The following ARL3 variants were observed in gnomAD, a reference collection of about 807,000 sequenced individuals.
ARL3 encodes the protein ADP-ribosylation factor-like protein 3.
In ARL3, 9 loss-of-function variants were observed where a neutral mutation model predicts 26.0. That is an observed-to-expected ratio of 0.35 (90% CI 0.21 to 0.60). The LOEUF (loss-of-function observed/expected upper bound fraction) is 0.60. Among genes scored for constraint, ARL3 ranks in the 20% least tolerant of loss-of-function variants. The probability of loss-of-function intolerance (pLI) is 0.78; values close to 1 mark genes in which losing one functional copy is unlikely to be tolerated. For missense variants in ARL3, 158 were observed against 215.7 expected, an observed-to-expected ratio of 0.73 and a Z score of 1.67; for synonymous variants, 71 against 78.4, an observed-to-expected ratio of 0.91 and a Z score of 0.50.
chr10:102,700,564 G>A (rs1369658213), intron 2 of ARL3, among the ~76,000 whole-genome samples: 3 of 150,898 alleles, frequency 2.0e-5, no homozygotes, highest in South Asian at 2.1e-4. Context: ...TCCCAAGTTC[G>A]AGTGATTCTC....
At chr10:102,698,700 G>A (rs1043910211) in intron 3 of ARL3, among the ~76,000 whole-genome samples, 2 of 152,168 alleles carry the variant, frequency 1.3e-5, no homozygotes, top group African/African-American at 4.8e-5. Context: ...AAGTGACAGC[G>A]AGCTGGGAGC....
At chr10:102,694,982 G>A (rs1261727634) in intron 3 of ARL3, among the ~76,000 whole-genome samples, 3 of 152,214 alleles carry the variant, frequency 2.0e-5, no homozygotes, top group Admixed American at 2.0e-4. Context: ...GCCTCCCAAA[G>A]TGTTGGGAGT....
chr10:102,705,544 A>G, intron 1 of ARL3, 55 bp from the exon 2 acceptor site: 5 of 1,446,332 alleles, frequency 3.5e-6, no homozygotes, highest in Non-Finnish European at 3.7e-6. Context: ...TGTGATATTA[A>G]CTGGATATGA....
At chr10:102,694,862 G>A (rs899048477) in intron 3 of ARL3, among the ~76,000 whole-genome samples, 10 of 152,116 alleles carry the variant, frequency 6.6e-5, no homozygotes, top group Non-Finnish European at 1.2e-4. Context: ...GGGATTACAG[G>A]TGCCTGCCAC....
rs1472236799 is a variant in ARL3 at position 102,700,561 on chromosome 10, T to G, written c.148-1072A>C. 4.0e-5 allele frequency among the ~76,000 whole-genome samples: 6 copies of G among 151,622 alleles called. No individual in the cohort carries two copies. In the East Asian group the frequency reaches 1.2e-3, roughly 30 times the overall value. On this transcript the variant is annotated intron_variant, in intron 2 of 5. Coordinates refer to ENST00000260746, the MANE Select transcript of ARL3 (RefSeq NM_004311.4). ...CTCACTGCAACCTCCGCCTCCCAAGTTCGAGTGATTCTCCTGCCTCAGCCT... is the reference window on the plus strand; with the variant it reads ...CTCACTGCAACCTCCGCCTCCCAAGGTCGAGTGATTCTCCTGCCTCAGCCT...
intron 3 of ARL3, 96 bp downstream of exon 3, chr10:102,699,277 T>C (rs2064265423): frequency 6.2e-6 from 5 of 808,226 alleles, no homozygotes; most frequent in African/African-American, 1.7e-5. Flanking sequence ...AATGTTATGG[T>C]GGTGGAATTA....
At chr10:102,694,301 T>C (rs950536865) in intron 3 of ARL3, among the ~76,000 whole-genome samples, 1 of 152,226 alleles carries the variant, frequency 6.6e-6, no homozygotes, top group African/African-American at 2.4e-5. Context: ...TTCCAGAAGT[T>C]TTAAATTCAT....
intron 4 of ARL3, among the ~76,000 whole-genome samples, chr10:102,686,389 C>T (rs2064185750): frequency 1.1e-3 from 1 of 948 alleles, no homozygotes; most frequent in Non-Finnish European, 5.1e-3. Flanking sequence ...CAGTTCTAAT[C>T]AGAAAAAAAA....
chr10:102,691,679 T>C (rs2064218413), intron 3 of ARL3, among the ~76,000 whole-genome samples: 1 of 152,202 alleles, frequency 6.6e-6, no homozygotes, highest in South Asian at 2.1e-4. Flanking sequence ...CGACCTGCTC[T>C]ATAAAGCAAG....
At position 102,686,522 on chromosome 10, in the gene ARL3, G is replaced by A. The variant is rs2064186931; in HGVS notation, c.316-521C>T. 4.7e-5 allele frequency among the ~76,000 whole-genome samples: 7 copies of A among 147,482 alleles called. No individual in the cohort carries two copies. The South Asian group carries it at 1.5e-3, about 31-fold the overall frequency. On this transcript the variant is annotated intron_variant, in intron 4 of 5. Coordinates refer to ENST00000260746, the MANE Select transcript of ARL3 (RefSeq NM_004311.4). ...TCTGTCGCCCAGGCTGGAGTGCAGT[G>A]GCGCAATCCCGGCTCACTGCAACCT...
At chr10:102,703,233 T>C (rs1406906386) in intron 2 of ARL3, among the ~76,000 whole-genome samples, 6 of 148,200 alleles carry the variant, frequency 4.0e-5, no homozygotes, top group Non-Finnish European at 5.9e-5. Flanking sequence ...GCCATTCTCC[T>C]GCCTCAGTCT....
chr10:102,689,951 G>A lies in ARL3; in HGVS notation c.265-8C>T, dbSNP rs2064208152. The A allele has an allele frequency of 6.4e-7, 1 of 1,574,694 alleles. No homozygotes were observed. Among genetic ancestry groups the A allele is most frequent in the African/African-American group, 1.4e-5 (1 of 73,478 alleles). On this transcript the variant is annotated splice_polypyrimidine_tract_variant and splice_region_variant and intron_variant, in intron 3 of 5. Coordinates refer to ENST00000260746, the MANE Select transcript of ARL3 (RefSeq NM_004311.4). Reference sequence around the variant, plus strand: ...ACTGTCGATTACATATATCTATAAAGGAAAAGAAGAAGGTTATTTCAGTGA... The same window carrying A: ...ACTGTCGATTACATATATCTATAAAAGAAAAGAAGAAGGTTATTTCAGTGA...
chr10:102,687,246 T>C (rs1469088795), intron 4 of ARL3, among the ~76,000 whole-genome samples: 1 of 151,472 alleles, frequency 6.6e-6, no homozygotes, highest in African/African-American at 2.4e-5. Flanking sequence ...ATCACTTTTT[T>C]TTTTTGAGAC....
In ARL3 at chr10:102,676,875, A is replaced by G; in HGVS notation, c.*19T>C. ...CGAATTCGGCTCCCGCAGCTCCTGC[A>G]TCTCCATTCGTCTAGATTTTATTTC... On this transcript the variant is annotated 3_prime_UTR_variant, in exon 6 of 6. Transcript: ENST00000260746. 6.2e-7 allele frequency: 1 copy of G among 1,613,712 alleles called. No homozygotes were observed.
chr10:102,707,826 T>C (rs1590128809), intron 1 of ARL3, among the ~76,000 whole-genome samples: 1 of 152,332 alleles, frequency 6.6e-6, no homozygotes, highest in South Asian at 2.1e-4. Context: ...GCTAGACAAA[T>C]TCTATGCCAA....
intron 2 of ARL3, among the ~76,000 whole-genome samples, chr10:102,703,345 G>A (rs9663710): frequency 1 from 149,998 of 150,290 alleles, 74,853 homozygotes; most frequent in East Asian, 1. Flanking sequence ...TGGTCTCCAT[G>A]TCCTGACCTC....
chr10:102,707,975 G>A (rs187121710), intron 1 of ARL3, among the ~76,000 whole-genome samples: 18 of 152,048 alleles, frequency 1.2e-4, no homozygotes, highest in Admixed American at 2.0e-4. Context: ...ATGTAGTGGC[G>A]TGAACACGGC....
At chr10:102,705,606 AT>A in intron 1 of ARL3, 117 bp from the exon 2 acceptor site, 1 of 1,093,748 alleles carries the variant, frequency 9.1e-7, no homozygotes, top group Non-Finnish European at 1.2e-6. Flanking sequence ...TTATGTTATT[AT>A]TTTTCATTCT....
Position 102,694,623 on chromosome 10 carries a change from TTGTCAGAGAGAG to T in ARL3, c.265-4692_265-4681del, listed in dbSNP as rs1166128760. Among the ~76,000 whole-genome samples, 7 of 152,202 alleles carry T rather than the reference TTGTCAGAGAGAG, an allele frequency of 4.6e-5. No individual in the cohort carries two copies. The East Asian group carries it at 1.3e-3, about 29-fold the overall frequency. The stretch of plus-strand genomic sequence containing the variant: ...TCCTCCCTTGAACTGTCATGTTCTT[TTGTCAGAGAGAG>T]TGGGCCATATTCATGTAAGCCTATT... On this transcript the variant is annotated intron_variant, in intron 3 of 5. Transcript: ENST00000260746.
Sources: allele counts gnomAD v4.1 joint callset (sites outside exome capture counted in the v4.1 genomes callset), GRCh38; gene constraint gnomAD v4.1.1; transcripts MANE v1.5; gene names NCBI Gene and HGNC (gene_info 2026-07-23, HGNC 2026-07-21).